Variants in EMSY observed in about 807,000 individuals in gnomAD.
EMSY encodes BRCA2-interacting transcriptional repressor EMSY.
Under a neutral mutation model 134.6 loss-of-function variants are expected in EMSY, and 26 were observed. That is an observed-to-expected ratio of 0.19 (90% CI 0.14 to 0.27). The LOEUF (loss-of-function observed/expected upper bound fraction) is 0.27, where lower values mean the gene tolerates loss of function less well. Ranked by LOEUF, EMSY falls within the 10% of genes least tolerant of loss-of-function variation. EMSY has a pLI of 1.00. For missense variants in EMSY, 1,305 were observed against 1,611.4 expected (o/e 0.81, Z 3.26); for synonymous variants, 579 against 577.8 (o/e 1.00, Z -0.03).
At chr11:76,496,712 T>G in intron 9 of EMSY, 1 of 533,544 alleles carries the variant, frequency 1.9e-6, no homozygotes, top group Non-Finnish European at 3.4e-6. Context: ...CTACATGTTT[T>G]TTGTTAGTAT....
chr11:76,524,644 C>T (rs771897989), intron 12 of EMSY, among the ~76,000 whole-genome samples: 14 of 152,184 alleles, frequency 9.2e-5, no homozygotes, highest in Non-Finnish European at 1.9e-4. Flanking sequence ...ATCCAAGAGT[C>T]ATGTATGATT....
At chr11:76,539,553 G>A (rs778356606) in intron 16 of EMSY, 46 bp from the exon 18 acceptor site, 2 of 1,589,544 alleles carry the variant, frequency 1.3e-6, no homozygotes. Context: ...CTTGCATGGT[G>A]AACAGATGAA....
At chr11:76,476,917 G>A (rs1590839729) in intron 8 of EMSY, among the ~76,000 whole-genome samples, 1 of 152,114 alleles carries the variant, frequency 6.6e-6, no homozygotes, top group African/African-American at 2.4e-5. Flanking sequence ...TTCTGTTTAA[G>A]AGGAAATATA....
At chr11:76,511,064 G>A (rs2508762) in intron 9 of EMSY, among the ~76,000 whole-genome samples, 4 of 151,936 alleles carry the variant, frequency 2.6e-5, no homozygotes, top group Non-Finnish European at 2.9e-5. Flanking sequence ...CAGCAGAGCC[G>A]ATGCCGCCGT....
chr11:76,508,052 G>A (rs567630772), intron 9 of EMSY, among the ~76,000 whole-genome samples: 2 of 151,668 alleles, frequency 1.3e-5, no homozygotes, highest in South Asian at 2.1e-4. Flanking sequence ...AAAAATTTTT[G>A]TAGAGACAGG....
chr11:76,495,385 C>T (rs1949612889), intron 8 of EMSY, among the ~76,000 whole-genome samples: 1 of 152,080 alleles, frequency 6.6e-6, no homozygotes, highest in Non-Finnish European at 1.5e-5. Flanking sequence ...TCCAGGTTCT[C>T]TCAGTTAGGA....
At chr11:76,544,894 C>A in intron 19 of EMSY, 72 bp downstream of exon 20, 1 of 1,471,810 alleles carries the variant, frequency 6.8e-7, no homozygotes. Context: ...ACATCACGAC[C>A]CTATCATGAT....
At chr11:76,501,970 A>G (rs1216390186) in intron 9 of EMSY, among the ~76,000 whole-genome samples, 1 of 151,696 alleles carries the variant, frequency 6.6e-6, no homozygotes, top group African/African-American at 2.4e-5. Context: ...GGAAATTGCA[A>G]TAAAGTTACG....
chr11:76,447,273 A>G (rs894001416), intron 2 of EMSY, among the ~76,000 whole-genome samples: 2 of 152,180 alleles, frequency 1.3e-5, no homozygotes, highest in Non-Finnish European at 2.9e-5. Flanking sequence ...TACAACATCT[A>G]ATTTAAATAT....
intron 2 of EMSY, 110 bp from the exon 3 acceptor site, chr11:76,451,748 A>G (rs1317292705): frequency 7.7e-6 from 4 of 516,310 alleles, no homozygotes; most frequent in Non-Finnish European, 1.3e-5. Context: ...ATTTAAAACA[A>G]TATTTTTATT....
intron 9 of EMSY, among the ~76,000 whole-genome samples, chr11:76,506,008 A>T (rs542054497): frequency 1.8e-4 from 28 of 152,234 alleles, no homozygotes; most frequent in South Asian, 1.7e-3. Flanking sequence ...TACAAAAAAA[A>T]TTTTTTTAAT....
chr11:76,446,526 T>C (rs546703229), intron 1 of EMSY, among the ~76,000 whole-genome samples: 18 of 152,260 alleles, frequency 1.2e-4, no homozygotes, highest in Admixed American at 2.6e-4. Flanking sequence ...TAGTACCACC[T>C]GTTTATTAAA....
At chr11:76,526,631 C>T (rs1950855512) in exon 13 of EMSY, 2 of 1,611,428 alleles carry the variant, frequency 1.2e-6, no homozygotes, top group Non-Finnish European at 1.7e-6. Flanking sequence ...CAAGGGAAAA[C>T]GCAGGTATGC....
At chr11:76,472,965 C>G (rs1168256757) in intron 8 of EMSY, 125 bp downstream of exon 9, 2 of 926,828 alleles carry the variant, frequency 2.2e-6, no homozygotes, top group African/African-American at 3.3e-5. Context: ...GATCACCACC[C>G]CGTGTACCCC....
intron 11 of EMSY, among the ~76,000 whole-genome samples, chr11:76,521,491 G>A (rs1005111838): frequency 6.6e-6 from 1 of 152,140 alleles, no homozygotes; most frequent in Non-Finnish European, 1.5e-5. Flanking sequence ...GGCCAAGCCT[G>A]GTGGCTCATG....
At chr11:76,447,459 C>A (rs2134691026) in intron 2 of EMSY, among the ~76,000 whole-genome samples, 1 of 152,284 alleles carries the variant, frequency 6.6e-6, no homozygotes, top group East Asian at 1.9e-4. Flanking sequence ...ATACTCTTAA[C>A]CTTCATGATT....
At chr11:76,531,251 C>G (rs184410446) in intron 14 of EMSY, among the ~76,000 whole-genome samples, 2 of 152,212 alleles carry the variant, frequency 1.3e-5, no homozygotes, top group South Asian at 2.1e-4. Context: ...ATTTACAATC[C>G]ATATTCAAAT....
chr11:76,501,227 G>C (rs745583758), intron 9 of EMSY, among the ~76,000 whole-genome samples: 8 of 152,138 alleles, frequency 5.3e-5, no homozygotes, highest in Non-Finnish European at 1.2e-4. Flanking sequence ...ACAGAGGGCT[G>C]TATGTATATT....
At chr11:76,481,639 A>T (rs945788164) in intron 8 of EMSY, among the ~76,000 whole-genome samples, 20 of 152,222 alleles carry the variant, frequency 1.3e-4, no homozygotes, top group African/African-American at 4.8e-4. Context: ...AGGAAGTTCG[A>T]ACTGGGCGGA....
Sources: allele counts gnomAD v4.1 joint callset (sites outside exome capture counted in the v4.1 genomes callset), GRCh38; gene constraint gnomAD v4.1.1; transcripts MANE v1.5; gene names NCBI Gene and HGNC (gene_info 2026-07-23, HGNC 2026-07-21).